The following VLDLR variants were observed in gnomAD, a reference collection of about 807,000 sequenced individuals.
The protein encoded by VLDLR is very low-density lipoprotein receptor.
Under a neutral mutation model 112.7 loss-of-function variants are expected in VLDLR, and 81 were observed. The ratio of observed to expected loss-of-function variants is 0.72; its 90% confidence interval spans 0.60 to 0.86. The LOEUF is 0.86. Ranked by LOEUF, VLDLR falls within the 40% of genes least tolerant of loss-of-function variation. The pLI is 0.00. For synonymous variants in VLDLR, 436 were observed against 384.8 expected (o/e 1.13, Z -1.56); for missense variants, 1,237 against 1,099.4 (o/e 1.13, Z -1.77).
chr9:2,626,381 C>T (rs1817088193), intron 1 of VLDLR, among the ~76,000 whole-genome samples: 1 of 152,130 alleles, frequency 6.6e-6, no homozygotes, highest in Non-Finnish European at 1.5e-5. Flanking sequence ...ACACTTACGG[C>T]ATCATGTCAG....
rs1370092525 is a variant in VLDLR at position 2,644,961 on chromosome 9, T to G, written c.1191T>G (p.Ile397Met). ...ELIDRKTCGD[I>M]DECQNPGICS... ...TAATTCTGATTTCCCTCCCAGATAT[T>G]GATGAATGCCAAAATCCAGGAATCT... Residue 397 changes from isoleucine to methionine, a missense_variant, in exon 9 of 19, where the codon ATT becomes ATG. Physicochemically the swap from Ile to Met is conservative, Grantham distance 10. Transcript: ENST00000382100. 1 of 1,614,200 alleles carries G rather than the reference T, an allele frequency of 6.2e-7. No individual in the cohort carries two copies. The highest frequency in any genetic ancestry group is 8.5e-7 in the Non-Finnish European group (1 of 1,180,032).
chr9:2,646,228 A>C (rs1818062797), intron 10 of VLDLR, 106 bp from the exon 11 acceptor site: 1 of 1,059,394 alleles, frequency 9.4e-7, no homozygotes, highest in Non-Finnish European at 1.4e-6. Flanking sequence ...TGTTAACTGG[A>C]TTTCTTTCTG....
intron 1 of VLDLR, among the ~76,000 whole-genome samples, chr9:2,627,790 G>A (rs963372878): frequency 1.1e-4 from 16 of 151,502 alleles, no homozygotes; most frequent in South Asian, 2.1e-4. Context: ...GCTTGAACCC[G>A]GGTGGCAGAG....
intron 1 of VLDLR, 131 bp from the exon 2 acceptor site, chr9:2,635,322 C>T: frequency 3.6e-6 from 5 of 1,377,788 alleles, no homozygotes; most frequent in East Asian, 2.3e-5. Flanking sequence ...AGCCATCCTA[C>T]TCTGGCCCTT....
Position 2,643,335 on chromosome 9 carries a change from C to T in VLDLR, c.624C>T (p.Ile208=). 1.2e-6 allele frequency: 2 copies of T among 1,614,174 alleles called. No homozygotes were observed. The highest frequency in any genetic ancestry group is 1.7e-6 in the Non-Finnish European group (2 of 1,180,038). The part of the protein sequence containing the change: ...FQCSTSSCIP[I]SWVCDDDADC... ...GCAGCACCTCCTCCTGCATCCCCAT[C>T]AGCTGGGTATGCGACGATGATGCAG... Residue 208 remains isoleucine, a synonymous_variant, in exon 5 of 19, where the codon ATC becomes ATT. Transcript: ENST00000382100.
chr9:2,643,026 C>A, intron 4 of VLDLR, 134 bp from the exon 5 acceptor site: 1 of 1,338,150 alleles, frequency 7.5e-7, no homozygotes, highest in Non-Finnish European at 1.0e-6. Context: ...CTTGATTTAA[C>A]TCCATTGTAG....
chr9:2,648,041 C>T (rs1280033818), intron 12 of VLDLR, among the ~76,000 whole-genome samples, 167 bp from the exon 13 acceptor site: 3 of 152,186 alleles, frequency 2.0e-5, no homozygotes, highest in African/African-American at 7.2e-5. Context: ...CAAAAATGAA[C>T]GTGGATACAG....
At chr9:2,631,238 C>T (rs1024188607) in intron 1 of VLDLR, among the ~76,000 whole-genome samples, 6 of 152,194 alleles carry the variant, frequency 3.9e-5, no homozygotes, top group African/African-American at 9.6e-5. Flanking sequence ...AATACAGCCA[C>T]CAAGGAAAAC....
intron 1 of VLDLR, among the ~76,000 whole-genome samples, chr9:2,623,129 A>G (rs1253432237): frequency 6.6e-6 from 1 of 152,154 alleles, no homozygotes; most frequent in Non-Finnish European, 1.5e-5. Context: ...ATTCTACACA[A>G]TAGCTCAAAG....
intron 12 of VLDLR, 109 bp downstream of exon 12, chr9:2,647,701 A>C (rs1277632914): frequency 1.6e-5 from 16 of 991,148 alleles, no homozygotes; most frequent in Non-Finnish European, 2.4e-5. Flanking sequence ...CTTCCGCCTA[A>C]ATTCTAGCAG....
rs557391935 is a variant in VLDLR at position 2,622,167 on chromosome 9, G to GCGGCAC, written c.-21_-16dup. ...GCGAACGGCGGCGGCGGCGGCGGCGGCGGCACCATCCAGGCGGGCACCATG... is the reference window on the plus strand; with the variant it reads ...GCGAACGGCGGCGGCGGCGGCGGCGGCGGCACCGGCACCATCCAGGCGGGCACCATG... On this transcript the variant is annotated 5_prime_UTR_variant, in exon 1 of 19. Transcript: ENST00000382100. 9.0e-5 allele frequency: 128 copies of GCGGCAC among 1,421,584 alleles called. No homozygotes were observed. The highest frequency in any genetic ancestry group is 1.2e-4 in the South Asian group (9 of 74,698). The allele number at this position is 1,421,584 out of a possible 1,614,324, so 88.1% of individuals were successfully genotyped here.
At chr9:2,645,995 T>G (rs928988077) in intron 10 of VLDLR, among the ~76,000 whole-genome samples, 5 of 152,314 alleles carry the variant, frequency 3.3e-5, no homozygotes, top group Non-Finnish European at 7.4e-5. Flanking sequence ...TCTCTACAGT[T>G]AATTGAGAAC....
rs10967218 is a variant in VLDLR at position 2,627,035 on chromosome 9, A to G, written c.82+4764A>G. ...ATCTACTGAGTACCTACCATATGGC[A>G]CCAGGCATGGGGACAGAGTGACCAT... On this transcript the variant is annotated intron_variant, in intron 1 of 18. Coordinates refer to ENST00000382100, the MANE Select transcript of VLDLR (RefSeq NM_003383.5). Among the ~76,000 whole-genome samples the G allele has an allele frequency of 2.6e-3, 398 of 150,306 alleles. 9 individuals carry two copies. In the East Asian group the frequency reaches 0.059, roughly 22 times the overall value.
rs752619999 is a variant in VLDLR at position 2,644,787 on chromosome 9, C to G, written c.1120C>G (p.Leu374Val). 1.9e-6 allele frequency: 3 copies of G among 1,614,098 alleles called. No individual in the cohort carries two copies. The highest frequency in any genetic ancestry group is 2.2e-5 in the East Asian group (1 of 44,884). Residue 374 changes from leucine (L) to valine (V), a missense_variant, in exon 8 of 19, where the codon CTA becomes GTA. Coordinates refer to ENST00000382100, the MANE Select transcript of VLDLR (RefSeq NM_003383.5). Reference sequence around the variant, plus strand: ...TGGATGTTCTCATATCTGCAAAGACCTAGTTATAGGCTACGAGTGTGACTG... The same window carrying G: ...TGGATGTTCTCATATCTGCAAAGACGTAGTTATAGGCTACGAGTGTGACTG... The part of the protein sequence containing the change: ...NGGCSHICKD[L>V]VIGYECDCAA...
At position 2,659,909 on chromosome 9, in the gene VLDLR, G is replaced by C. The variant is rs1818739897; in HGVS notation, c.*6041G>C. 1 of 152,158 alleles carries C rather than the reference G, an allele frequency of 6.6e-6. No individual in the cohort carries two copies. Among genetic ancestry groups the C allele is most frequent in the Non-Finnish European group, 1.5e-5 (1 of 68,026 alleles). 9.4% of individuals were successfully genotyped at this position (152,158 alleles called of 1,614,324 possible). A position where few individuals can be genotyped will look rare whatever the true frequency, so the allele number is the denominator to read the frequency against. ...GATTTAAAAGCATGTAATGCCTCAG[G>C]AGTCCGGCATATACAACCAAATTAT... is the stretch of plus-strand genomic sequence containing the variant. On this transcript the variant is annotated 3_prime_UTR_variant, in exon 19 of 19. Transcript: ENST00000382100.
At chr9:2,635,285 G>A (rs1028005657) in intron 1 of VLDLR, among the ~76,000 whole-genome samples, 168 bp from the exon 2 acceptor site, 1 of 152,138 alleles carries the variant, frequency 6.6e-6, no homozygotes, top group Admixed American at 6.6e-5. Flanking sequence ...AGCTAAGAAC[G>A]CAATTACTGT....
In VLDLR at chr9:2,643,431, A is replaced by T. The variant is rs1470879995; in HGVS notation, c.720A>T (p.Pro240=). 1 of 1,614,206 alleles carries T rather than the reference A, an allele frequency of 6.2e-7. No individual in the cohort carries two copies. Among genetic ancestry groups the T allele is most frequent in the Admixed American group, 1.7e-5 (1 of 60,030 alleles). ...GRQPVIHTKC[P]ASEIQCGSGE... ...AGCCAGTCATACACACCAAGTGTCCAGCCAGCGAAATCCAGTGCGGCTCTG... is the reference window on the plus strand; with the variant it reads ...AGCCAGTCATACACACCAAGTGTCCTGCCAGCGAAATCCAGTGCGGCTCTG... The change falls in exon 5 of 19, where the codon CCA becomes CCT. Residue 240 remains proline, a synonymous_variant. Transcript: ENST00000382100.
Position 2,654,400 on chromosome 9 carries a change from A to C in VLDLR, c.*532A>C, listed in dbSNP as rs1320501040. 6.2e-6 allele frequency: 1 copy of C among 160,824 alleles called. No homozygotes were observed. The highest frequency in any genetic ancestry group is 1.4e-5 in the Non-Finnish European group (1 of 72,614). The allele number at this position is 160,824 out of a possible 1,614,324, so 10.0% of individuals were successfully genotyped here. A position where few individuals can be genotyped will look rare whatever the true frequency, so the allele number is the denominator to read the frequency against. ...ACGTATGAATGATATCTTTGACCTC[A>C]ATGGAGGTTTGCAAAGACTGAGTGT... On this transcript the variant is annotated 3_prime_UTR_variant, in exon 19 of 19. Transcript: ENST00000382100.
In VLDLR at chr9:2,644,850, G is replaced by A; in HGVS notation, c.1183G>A (p.Gly395Arg). Reference sequence around the variant, plus strand: ...TGAACTGATAGATAGGAAAACCTGTGGAGGTGAGTCTAAGAAGAAAACCTG... The same window carrying A: ...TGAACTGATAGATAGGAAAACCTGTAGAGGTGAGTCTAAGAAGAAAACCTG... ...GFELIDRKTC[G>R]DIDECQNPGI... Residue 395 changes from glycine to arginine, a missense_variant, in exon 8 of 19, where the codon GGA becomes AGA. Gly to Arg is a moderately radical substitution (Grantham distance 125). Coordinates refer to ENST00000382100, the MANE Select transcript of VLDLR (RefSeq NM_003383.5). 1 of 1,614,136 alleles carries A rather than the reference G, an allele frequency of 6.2e-7. No homozygotes were observed. The highest frequency in any genetic ancestry group is 8.5e-7 in the Non-Finnish European group (1 of 1,180,028).
Sources: gnomAD v4.1 joint callset for allele counts (sites outside exome capture counted in the v4.1 genomes callset) on GRCh38, gnomAD v4.1.1 for gene constraint, MANE v1.5 for transcripts, NCBI Gene and HGNC (gene_info 2026-07-23, HGNC 2026-07-21) for gene names.